PRKN: variants seen among roughly 807,000 people sequenced by gnomAD.
The protein encoded by PRKN is parkin RBR E3 ubiquitin protein ligase, also known as E3 ubiquitin-protein ligase parkin.
Under a neutral mutation model 59.5 loss-of-function variants are expected in PRKN, and 56 were observed. The observed-to-expected ratio is 0.94, with a 90% CI of 0.76 to 1.18. PRKN has a LOEUF of 1.18. Among genes scored for constraint, PRKN ranks in the 50% most tolerant of loss-of-function variants. PRKN has a pLI of 0.00. For synonymous variants in PRKN, 250 were observed against 222.1 expected, an observed-to-expected ratio of 1.13 and a Z score of -1.12; for missense variants, 657 against 596.4, an observed-to-expected ratio of 1.10 and a Z score of -1.06.
intron 5 of PRKN, among the ~76,000 whole-genome samples, chr6:162,011,464 TTATAATATATA>T: frequency 4.3e-5 from 1 of 23,034 alleles, no homozygotes; most frequent in African/African-American, 3.6e-4. Flanking sequence ...AATATATATA[TTATAATATATA>T]ATATATTATA....
intron 1 of PRKN, among the ~76,000 whole-genome samples, chr6:162,535,675 G>A (rs1778687830): frequency 1.3e-5 from 2 of 152,042 alleles, no homozygotes; most frequent in Non-Finnish European, 2.9e-5. Flanking sequence ...TTGGGAGGCC[G>A]AGGTGGGCAG....
chr6:162,294,678 T>C lies in PRKN; in HGVS notation c.172-31913A>G, dbSNP rs192576507. On this transcript the variant is annotated intron_variant, in intron 2 of 11. Transcript: ENST00000366898. Reference sequence around the variant, plus strand: ...TTAAAGATGTGCTTGCTCAGCATCATTATTGTATTAAGTTTTCTGCTGAAG... The same window carrying C: ...TTAAAGATGTGCTTGCTCAGCATCACTATTGTATTAAGTTTTCTGCTGAAG... Among the ~76,000 whole-genome samples the C allele has an allele frequency of 4.5e-3, 688 of 152,218 alleles. 3 individuals carry two copies. Among genetic ancestry groups the C allele is most frequent in the Non-Finnish European group, 6.1e-3 (412 of 68,014 alleles).
intron 6 of PRKN, among the ~76,000 whole-genome samples, chr6:161,895,294 G>A (rs1329108050): frequency 6.6e-6 from 1 of 152,160 alleles, no homozygotes; most frequent in African/African-American, 2.4e-5. Context: ...GTCGGCAAGA[G>A]GAGACCTGAA....
chr6:161,722,534 A>G (rs1185727841), intron 7 of PRKN, among the ~76,000 whole-genome samples: 1 of 152,180 alleles, frequency 6.6e-6, no homozygotes. Context: ...TAATTTTCTT[A>G]GGATAAATTT....
intron 1 of PRKN, among the ~76,000 whole-genome samples, chr6:162,614,883 C>T (rs1386610128): frequency 6.6e-6 from 1 of 152,168 alleles, no homozygotes; most frequent in East Asian, 1.9e-4. Context: ...GGCAATGCTC[C>T]ACACTGTAAA....
intron 7 of PRKN, among the ~76,000 whole-genome samples, chr6:161,641,386 T>A (rs1459462337): frequency 6.6e-6 from 1 of 152,150 alleles, no homozygotes; most frequent in Non-Finnish European, 1.5e-5. Context: ...ACCACCCAGA[T>A]GGATAAAGTG....
chr6:162,427,706 C>T (rs769462173), intron 2 of PRKN, among the ~76,000 whole-genome samples: 18 of 148,836 alleles, frequency 1.2e-4, no homozygotes, highest in Non-Finnish European at 2.5e-4. Flanking sequence ...ACTGCAGTGG[C>T]GCAATCTCGG....
intron 2 of PRKN, among the ~76,000 whole-genome samples, chr6:162,272,617 A>G (rs564217207): frequency 7.9e-4 from 120 of 152,134 alleles, no homozygotes; most frequent in African/African-American, 2.3e-3. Flanking sequence ...CCAAATTCCA[A>G]TGGTTGCGAT....
chr6:162,691,993 A>C (rs552057319), intron 1 of PRKN, among the ~76,000 whole-genome samples: 2 of 102,430 alleles, frequency 2.0e-5, no homozygotes, highest in African/African-American at 5.5e-5. Flanking sequence ...GCACAGATTA[A>C]AAAAAAAAAT....
intron 2 of PRKN, among the ~76,000 whole-genome samples, chr6:162,433,293 A>C (rs764483204): frequency 5.9e-5 from 9 of 152,170 alleles, no homozygotes; most frequent in Non-Finnish European, 1.3e-4. Context: ...AAAAATAAAG[A>C]CTGGAGAGCT....
intron 4 of PRKN, among the ~76,000 whole-genome samples, chr6:162,130,608 G>A (rs1195087896): frequency 6.6e-6 from 1 of 152,096 alleles, no homozygotes; most frequent in Non-Finnish European, 1.5e-5. Flanking sequence ...CTGGGGACAT[G>A]GATCCCAACC....
chr6:161,931,936 A>T (rs1048232309), intron 6 of PRKN, among the ~76,000 whole-genome samples: 3 of 152,214 alleles, frequency 2.0e-5, no homozygotes, highest in African/African-American at 7.2e-5. Flanking sequence ...AGGAGAAGAA[A>T]ACAATTCATC....
intron 7 of PRKN, among the ~76,000 whole-genome samples, chr6:161,757,275 T>G (rs1377909840): frequency 1.3e-5 from 2 of 152,144 alleles, no homozygotes; most frequent in Non-Finnish European, 2.9e-5. Flanking sequence ...TGAAAGACAC[T>G]GTTAAGAAAA....
In PRKN at chr6:161,977,709, G is replaced by A. The variant is rs188368704; in HGVS notation, c.619-4292C>T. On this transcript the variant is annotated intron_variant, in intron 5 of 11. Transcript: ENST00000366898. ...CCACAAGGCGCCCGCCACCACGCCC[G>A]GCTACTTTTTTGTATTTTTAGTAGA... Among the ~76,000 whole-genome samples, 15 of 151,496 alleles carry A rather than the reference G, an allele frequency of 9.9e-5. No individual in the cohort carries two copies. The East Asian group carries it at 2.4e-3, about 24-fold the overall frequency.
intron 10 of PRKN, among the ~76,000 whole-genome samples, chr6:161,370,333 C>T (rs1785389303): frequency 6.6e-6 from 1 of 150,878 alleles, no homozygotes; most frequent in Non-Finnish European, 1.5e-5. Context: ...ACCTGTAATC[C>T]CAGCACTTTG....
At chr6:161,672,505 G>A (rs1266697337) in intron 7 of PRKN, among the ~76,000 whole-genome samples, 1 of 152,196 alleles carries the variant, frequency 6.6e-6, no homozygotes, top group African/African-American at 2.4e-5. Context: ...GCTGGGTGCA[G>A]TGGCTCATGT....
At chr6:161,764,610 T>G (rs1789346685) in intron 7 of PRKN, among the ~76,000 whole-genome samples, 1 of 152,228 alleles carries the variant, frequency 6.6e-6, no homozygotes, top group Non-Finnish European at 1.5e-5. Flanking sequence ...AAGAATTCAG[T>G]AATTTAATTG....
At chr6:161,735,110 G>C (rs1787909788) in intron 7 of PRKN, among the ~76,000 whole-genome samples, 1 of 151,772 alleles carries the variant, frequency 6.6e-6, no homozygotes, top group Non-Finnish European at 1.5e-5. Context: ...CTTGTAGAGA[G>C]AGGCTGAGGA....
At chr6:162,352,226 C>A (rs1416926851) in intron 2 of PRKN, among the ~76,000 whole-genome samples, 5 of 152,192 alleles carry the variant, frequency 3.3e-5, no homozygotes, top group Admixed American at 1.3e-4. Flanking sequence ...CCCAGGTCAT[C>A]CCACCAGGGG....
Sources: allele counts gnomAD v4.1 joint callset (sites outside exome capture counted in the v4.1 genomes callset), GRCh38; gene constraint gnomAD v4.1.1; transcripts MANE v1.5; gene names NCBI Gene and HGNC (gene_info 2026-07-23, HGNC 2026-07-21).